PCDHGA2: variants seen among roughly 807,000 people sequenced by gnomAD.
PCDHGA2 encodes protocadherin gamma-A2.
PCDHGA2 carries 40 observed loss-of-function variants against 59.2 expected under a neutral mutation model. That is an observed-to-expected ratio of 0.68 (90% CI 0.52 to 0.88). PCDHGA2 has a LOEUF of 0.88. PCDHGA2 is among the 40% of genes least tolerant of loss of function. The pLI, the probability that PCDHGA2 is intolerant of heterozygous loss-of-function variation, is 0.00. For missense variants in PCDHGA2, 1,226 were observed against 1,204.0 expected (o/e 1.02, Z -0.27); for synonymous variants, 560 against 526.0 (o/e 1.06, Z -0.89).
At chr5:141,508,588 C>G (rs1721443459) in intron 3 of PCDHGA2, among the ~76,000 whole-genome samples, 1 of 152,176 alleles carries the variant, frequency 6.6e-6, no homozygotes, top group African/African-American at 2.4e-5. Context: ...GGGTGCTACT[C>G]AGAGATCTTG....
intron 1 of PCDHGA2, chr5:141,394,938 G>C: frequency 6.2e-7 from 1 of 1,613,780 alleles, no homozygotes; most frequent in Admixed American, 1.7e-5. Context: ...CGCCTTTGTC[G>C]CTGTGCTTCT....
At chr5:141,435,730 T>C (rs913229799) in intron 1 of PCDHGA2, among the ~76,000 whole-genome samples, 1 of 152,226 alleles carries the variant, frequency 6.6e-6, no homozygotes, top group African/African-American at 2.4e-5. Context: ...TAAAGTGTAT[T>C]ACTCTTTGAA....
At position 141,460,912 on chromosome 5, in the gene PCDHGA2, G is replaced by GTA. The variant is rs34683754; in HGVS notation, c.2425-33883_2425-33882dup. ...TCGTGGCTGAGTAATATTCCATGGT[G>GTA]TATATATATATATGTGTGTGTGTAT... On this transcript the variant is annotated intron_variant, in intron 1 of 3. Coordinates refer to ENST00000394576, the MANE Select transcript of PCDHGA2 (RefSeq NM_018915.4). Among the ~76,000 whole-genome samples, 731 of 149,318 alleles carry GTA rather than the reference G, an allele frequency of 4.9e-3. 9 individuals carry two copies. Among genetic ancestry groups the GTA allele is most frequent in the African/African-American group, 0.016 (631 of 40,624 alleles).
At chr5:141,499,323 GCTCT>G (rs1259902316) in intron 2 of PCDHGA2, among the ~76,000 whole-genome samples, 1 of 152,046 alleles carries the variant, frequency 6.6e-6, no homozygotes, top group East Asian at 1.9e-4. Context: ...CAGTATCCCT[GCTCT>G]CTCTCAGTTT....
chr5:141,444,463 G>A (rs570185430), intron 1 of PCDHGA2, among the ~76,000 whole-genome samples: 10 of 152,026 alleles, frequency 6.6e-5, no homozygotes, highest in Admixed American at 1.3e-4. Context: ...GAGTCACTGC[G>A]CCCGGTCGCG....
At chr5:141,409,707 C>T in intron 1 of PCDHGA2, 1 of 1,613,248 alleles carries the variant, frequency 6.2e-7, no homozygotes, top group Non-Finnish European at 8.5e-7. Flanking sequence ...CTGGCGGTGT[C>T]GTCATACGTG....
chr5:141,357,964 C>T (rs12386471), intron 1 of PCDHGA2, among the ~76,000 whole-genome samples: 21,408 of 152,030 alleles, frequency 0.14, 2,088 homozygotes, highest in African/African-American at 0.28. Flanking sequence ...GTGAGGAGGA[C>T]GGATTGCCTG....
chr5:141,450,815 ATAT>A (rs1420984335), intron 1 of PCDHGA2, among the ~76,000 whole-genome samples: 6 of 126,742 alleles, frequency 4.7e-5, no homozygotes, highest in South Asian at 2.4e-4. Flanking sequence ...TATTTATTTA[ATAT>A]TATTATTATT....
In PCDHGA2 at chr5:141,415,645, A is replaced by T. The variant is rs200555070; in HGVS notation, c.2424+74250A>T. On this transcript the variant is annotated intron_variant, in intron 1 of 3. Transcript: ENST00000394576. The stretch of plus-strand genomic sequence containing the variant: ...TATTTTCATTTTTACTTTTGTTAAA[A>T]AAAAAAAGATTGGTTTTTACTTTGA... The T allele has an allele frequency of 3.5e-3, 5,682 of 1,600,720 alleles. 22 individuals carry two copies. The highest frequency in any genetic ancestry group is 5.0e-3 in the Middle Eastern group (30 of 6,044).
rs138408376 is a variant in PCDHGA2 at position 141,421,859 on chromosome 5, T to C, written c.2425-72948T>C. The stretch of plus-strand genomic sequence containing the variant: ...CGAGAGAAAGAGGCTGCTCACCTGC[T>C]CCTCCTCACAGCTTTAGATGGAGGC... On this transcript the variant is annotated intron_variant, in intron 1 of 3. Coordinates refer to ENST00000394576, the MANE Select transcript of PCDHGA2 (RefSeq NM_018915.4). The C allele has an allele frequency of 1.7e-3, 2,741 of 1,613,710 alleles. 8 individuals carry two copies. Among genetic ancestry groups the C allele is most frequent in the Middle Eastern group, 8.1e-3 (49 of 6,062 alleles).
rs201855847 is a variant in PCDHGA2 at position 141,355,838 on chromosome 5, C to A, written c.2424+14443C>A. 326 of 1,611,996 alleles carry A rather than the reference C, an allele frequency of 2.0e-4. No individual in the cohort carries two copies. The highest frequency in any genetic ancestry group is 3.5e-4 in the Admixed American group (21 of 59,702). On this transcript the variant is annotated intron_variant, in intron 1 of 3. Transcript: ENST00000394576. ...GAGGCGGTTCACCACCTCGTTCTCA[C>A]GGCCTTCGATGGAGGTGACCCGGTT...
chr5:141,431,288 C>T lies in PCDHGA2; in HGVS notation c.2425-63519C>T, dbSNP rs2097358193. ...GAGCTACGAGCTCAGCCCGAACACT[C>T]ACTTCTCCCTCATCGTGCAAAATGG... On this transcript the variant is annotated intron_variant, in intron 1 of 3. Transcript: ENST00000394576. This position sits in a 1 kb window ranked among gnomAD's most constrained non-coding sequence, Gnocchi z 4.8. 1 of 1,614,152 alleles carries T rather than the reference C, an allele frequency of 6.2e-7. No individual in the cohort carries two copies. Among genetic ancestry groups the T allele is most frequent in the East Asian group, 2.2e-5 (1 of 44,890 alleles).
intron 1 of PCDHGA2, chr5:141,375,075 C>T (rs772132262): frequency 6.2e-6 from 10 of 1,613,926 alleles, no homozygotes; most frequent in East Asian, 4.5e-5. Flanking sequence ...CGAGACAGAG[C>T]GAAAGTCTTA....
chr5:141,400,167 C>A, intron 1 of PCDHGA2: 1 of 1,614,082 alleles, frequency 6.2e-7, no homozygotes, highest in Non-Finnish European at 8.5e-7. Flanking sequence ...CCTCTGACCC[C>A]CAGGCTGAGC....
intron 1 of PCDHGA2, among the ~76,000 whole-genome samples, chr5:141,359,015 T>A (rs1389251705): frequency 6.6e-6 from 1 of 152,256 alleles, no homozygotes; most frequent in African/African-American, 2.4e-5. Flanking sequence ...TTAGTGTAAT[T>A]TGATAACTGG....
chr5:141,486,884 C>G lies in PCDHGA2; in HGVS notation c.2425-7923C>G, dbSNP rs1272694679. On this transcript the variant is annotated intron_variant, in intron 1 of 3. Transcript: ENST00000394576. The surrounding 1 kb of genome is among the most constrained non-coding windows in gnomAD (Gnocchi z 5.0). ...TCCAGCTGTGCTCCGTCCTCGGGCC[C>G]GGCCTGGTTCCTTATGTCCCCAAGC... The G allele has an allele frequency of 6.2e-7, 1 of 1,614,224 alleles. No homozygotes were observed. The highest frequency in any genetic ancestry group is 8.5e-7 in the Non-Finnish European group (1 of 1,180,046).
At chr5:141,420,725 C>T (rs1468308275) in intron 1 of PCDHGA2, among the ~76,000 whole-genome samples, 1 of 152,188 alleles carries the variant, frequency 6.6e-6, no homozygotes, top group African/African-American at 2.4e-5. Flanking sequence ...TCCTTTCAGT[C>T]GGTTAAAATC....
intron 1 of PCDHGA2, chr5:141,346,598 C>A: frequency 7.7e-7 from 1 of 1,301,850 alleles, no homozygotes; most frequent in Non-Finnish European, 1.0e-6. Flanking sequence ...CCCTTTCTTT[C>A]TGGGCCTATA....
rs573088236 is a variant in PCDHGA2, at chr5:141,489,279, G to A, written c.2425-5528G>A. On this transcript the variant is annotated intron_variant, in intron 1 of 3. Coordinates refer to ENST00000394576, the MANE Select transcript of PCDHGA2 (RefSeq NM_018915.4). This position sits in a 1 kb window ranked among gnomAD's most constrained non-coding sequence, Gnocchi z 4.5. Reference sequence around the variant, plus strand: ...CACTCCCACAGCTCGCTGGGAAATGGCAAGTGCTGTGCATGTTGTCCTTGT... The same window carrying A: ...CACTCCCACAGCTCGCTGGGAAATGACAAGTGCTGTGCATGTTGTCCTTGT... The A allele has an allele frequency of 6.4e-7, 1 of 1,562,030 alleles. No individual in the cohort carries two copies. Among genetic ancestry groups the A allele is most frequent in the East Asian group, 2.2e-5 (1 of 44,522 alleles).
Sources: gnomAD v4.1 joint callset for allele counts (sites outside exome capture counted in the v4.1 genomes callset) on GRCh38, gnomAD v4.1.1 for gene constraint, Gnocchi (gnomAD v3.1) non-coding constraint, MANE v1.5 for transcripts, NCBI Gene and HGNC (gene_info 2026-07-23, HGNC 2026-07-21) for gene names.